The following DCDC2C variants were observed in gnomAD, a reference collection of about 807,000 sequenced individuals.
DCDC2C encodes doublecortin domain-containing protein 2C.
DCDC2C carries 44 observed loss-of-function variants against 45.0 expected under a neutral mutation model. The ratio of observed to expected loss-of-function variants is 0.98; its 90% CI spans 0.77 to 1.26. The LOEUF (loss-of-function observed/expected upper bound fraction) is 1.26, where lower values mean the gene tolerates loss of function less well. Among genes scored for constraint, DCDC2C ranks in the 50% most tolerant of loss-of-function variants. The probability of loss-of-function intolerance (pLI) is 0.00; values close to 1 mark genes in which losing one functional copy is unlikely to be tolerated. For synonymous variants in DCDC2C, 187 were observed against 178.8 expected, an observed-to-expected ratio of 1.05 and a Z score of -0.37; for missense variants, 447 against 468.9, an observed-to-expected ratio of 0.95 and a Z score of 0.43.
intron 10 of DCDC2C, among the ~76,000 whole-genome samples, chr2:3,830,629 G>C: frequency 6.6e-6 from 1 of 152,160 alleles, no homozygotes; most frequent in Non-Finnish European, 1.5e-5. Context: ...GCTGCACCCC[G>C]TAGTCGCGAC....
intron 6 of DCDC2C, among the ~76,000 whole-genome samples, chr2:3,762,162 C>CTTTTTTTTT (rs56067833): frequency 0.11 from 14,060 of 126,760 alleles, 1,055 homozygotes; most frequent in East Asian, 0.31. Context: ...TTGCTTGAAC[C>CTTTTTTTTT]TTTTTTTTTT....
chr2:3,816,294 A>G (rs1671556619), intron 10 of DCDC2C, among the ~76,000 whole-genome samples: 1 of 66,900 alleles, frequency 1.5e-5, no homozygotes, highest in Non-Finnish European at 2.8e-5. Context: ...CAGGTCATCC[A>G]ATTAGAGAGT....
chr2:3,826,962 T>C (rs1169107965), intron 10 of DCDC2C, among the ~76,000 whole-genome samples: 1 of 151,736 alleles, frequency 6.6e-6, no homozygotes, highest in African/African-American at 2.4e-5. Flanking sequence ...CCTCTCTTCT[T>C]CCCTTCCTCC....
chr2:3,777,858 A>G (rs940455438), intron 8 of DCDC2C, among the ~76,000 whole-genome samples: 2 of 152,214 alleles, frequency 1.3e-5, no homozygotes, highest in Non-Finnish European at 2.9e-5. Context: ...CTGGTCACAC[A>G]GTGAGAATTC....
intron 6 of DCDC2C, among the ~76,000 whole-genome samples, chr2:3,765,276 T>C (rs1669981986): frequency 6.6e-6 from 1 of 152,204 alleles, no homozygotes; most frequent in Admixed American, 6.5e-5. Flanking sequence ...TTATGCTTGC[T>C]GAATTGAACA....
chr2:3,781,913 T>C (rs926238290), intron 9 of DCDC2C, among the ~76,000 whole-genome samples: 3 of 152,206 alleles, frequency 2.0e-5, no homozygotes, highest in Non-Finnish European at 4.4e-5. Context: ...AGATTTCTGA[T>C]GCTTGATCAC....
intron 10 of DCDC2C, among the ~76,000 whole-genome samples, chr2:3,789,866 A>G (rs1670758812): frequency 6.6e-6 from 1 of 152,240 alleles, no homozygotes; most frequent in Non-Finnish European, 1.5e-5. Context: ...AATCATAATG[A>G]CAAGAACATA....
chr2:3,732,317 G>C (rs1348434948), intron 3 of DCDC2C, among the ~76,000 whole-genome samples: 1 of 152,068 alleles, frequency 6.6e-6, no homozygotes, highest in African/African-American at 2.4e-5. Flanking sequence ...CGGTTGTTGG[G>C]ACAGTCGTCT....
rs1021762203 is a variant in DCDC2C at position 3,813,165 on chromosome 2, G to A, written c.1065+28065G>A. On this transcript the variant is annotated intron_variant, in intron 10 of 10. Transcript: ENST00000399143. ...CAGCTCACTGCAACCTCCACCTCTC[G>A]GGTTCAAGCGATTCCCTTTCCTCAG... Among the ~76,000 whole-genome samples, 12 of 150,994 alleles carry A rather than the reference G, an allele frequency of 7.9e-5. No homozygotes were observed. In the East Asian group the frequency reaches 1.2e-3, roughly 15 times the overall value.
intron 10 of DCDC2C, among the ~76,000 whole-genome samples, chr2:3,843,531 G>A (rs1188345174): frequency 1.3e-5 from 2 of 152,114 alleles, no homozygotes; most frequent in Admixed American, 6.6e-5. Context: ...CTGCCAAATG[G>A]CATTCATCCC....
At chr2:3,800,042 C>T (rs553295052) in intron 10 of DCDC2C, among the ~76,000 whole-genome samples, 33 of 151,404 alleles carry the variant, frequency 2.2e-4, no homozygotes, top group South Asian at 1.3e-3. Context: ...TAGGACCCTC[C>T]GAGCCAGGTG....
intron 4 of DCDC2C, among the ~76,000 whole-genome samples, chr2:3,745,466 A>G (rs1669333321): frequency 6.6e-6 from 1 of 152,210 alleles, no homozygotes; most frequent in South Asian, 2.1e-4. Flanking sequence ...GGGTTTAGCA[A>G]AAGTGCAGAG....
intron 8 of DCDC2C, among the ~76,000 whole-genome samples, chr2:3,777,600 G>T (rs1055019450): frequency 1.3e-5 from 2 of 152,028 alleles, no homozygotes; most frequent in Non-Finnish European, 2.9e-5. Context: ...TTTTTACGTG[G>T]TTTGAGCACT....
At chr2:3,802,879 A>G (rs1383466869) in intron 10 of DCDC2C, among the ~76,000 whole-genome samples, 1 of 152,142 alleles carries the variant, frequency 6.6e-6, no homozygotes, top group Non-Finnish European at 1.5e-5. Context: ...TGTTAGTGTC[A>G]TGAGTCTTCC....
At chr2:3,824,461 T>C (rs2148227362) in intron 10 of DCDC2C, among the ~76,000 whole-genome samples, 1 of 152,344 alleles carries the variant, frequency 6.6e-6, no homozygotes, top group African/African-American at 2.4e-5. Flanking sequence ...ATACACAGGC[T>C]GTAGAGACTG....
chr2:3,751,711 C>A (rs537493471), intron 4 of DCDC2C, among the ~76,000 whole-genome samples: 1 of 152,202 alleles, frequency 6.6e-6, no homozygotes, highest in Non-Finnish European at 1.5e-5. Flanking sequence ...TTCTTCTGCT[C>A]CTGCACTTCC....
chr2:3,833,385 A>ATT (rs2148237105), intron 10 of DCDC2C, among the ~76,000 whole-genome samples: 1 of 152,272 alleles, frequency 6.6e-6, no homozygotes, highest in South Asian at 2.1e-4. Context: ...TATATGTGCT[A>ATT]AGCTTCTGTA....
Position 3,789,569 on chromosome 2 carries a change from G to C in DCDC2C, c.1065+4469G>C, listed in dbSNP as rs568599200. Reference sequence around the variant, plus strand: ...TAATCATGTCATTTTCAAATACTTTGCCTTTTTCCAATTATCCCCCAAGTT... The same window carrying C: ...TAATCATGTCATTTTCAAATACTTTCCCTTTTTCCAATTATCCCCCAAGTT... On this transcript the variant is annotated intron_variant, in intron 10 of 10. Coordinates refer to ENST00000399143, the MANE Select transcript of DCDC2C (RefSeq NM_001287444.2). Among the ~76,000 whole-genome samples, 15 of 152,244 alleles carry C rather than the reference G, an allele frequency of 9.9e-5. No individual in the cohort carries two copies. In the South Asian group the frequency reaches 3.1e-3, roughly 32 times the overall value.
Position 3,785,089 on chromosome 2 carries a change from G to A in DCDC2C, c.1054G>A (p.Val352Ile), listed in dbSNP as rs761972625. ...AGAAGATGCAAGGCTTTGTGAAGAC[G>A]TTGAAAGAAAGGTTTGTATCAACAA... ...DKEDARLCEDVERKMAREWKP... is the reference protein window; with the variant it reads ...DKEDARLCEDIERKMAREWKP... The change falls in exon 10 of 11, where the codon GTT becomes ATT. Residue 352 changes from valine (V) to isoleucine (I), a missense_variant. Val to Ile is a conservative substitution (Grantham distance 29). Coordinates refer to ENST00000399143, the MANE Select transcript of DCDC2C (RefSeq NM_001287444.2). The A allele has an allele frequency of 1.5e-5, 19 of 1,231,596 alleles. No homozygotes were observed. The highest frequency in any genetic ancestry group is 4.2e-5 in the Admixed American group (1 of 23,698). 76.3% of individuals were successfully genotyped at this position (1,231,596 alleles called of 1,614,324 possible).
Sources: gnomAD v4.1 joint callset for allele counts (sites outside exome capture counted in the v4.1 genomes callset) on GRCh38, gnomAD v4.1.1 for gene constraint, MANE v1.5 for transcripts, NCBI Gene and HGNC (gene_info 2026-07-23, HGNC 2026-07-21) for gene names.